FAM200B: variants seen among roughly 807,000 people sequenced by gnomAD.
FAM200B encodes protein FAM200B.
A neutral mutation model predicts 33.1 loss-of-function variants in FAM200B; 32 were observed. That is an observed-to-expected ratio of 0.97 (90% CI 0.73 to 1.30). The LOEUF is 1.30. Among genes scored for constraint, FAM200B ranks in the 50% most tolerant of loss-of-function variants. The pLI is 0.00. For missense variants in FAM200B, 741 were observed against 754.0 expected, an observed-to-expected ratio of 0.98 and a Z score of 0.20; for synonymous variants, 240 against 264.8, an observed-to-expected ratio of 0.91 and a Z score of 0.91.
chr4:15,674,056 A>G, the FAM200B span, among the ~76,000 whole-genome samples: 1 of 152,210 alleles, frequency 6.6e-6, no homozygotes, highest in South Asian at 2.1e-4. Flanking sequence ...ACAAAAATTG[A>G]TACATTCAAG....
At chr4:15,649,838 C>T in the FAM200B span, among the ~76,000 whole-genome samples, 2 of 152,182 alleles carry the variant, frequency 1.3e-5, no homozygotes, top group East Asian at 3.9e-4. Flanking sequence ...CCTCATTTTA[C>T]AGACTAACAA....
Position 15,686,924 on chromosome 4 carries a change from T to G in FAM200B, c.-54T>G. 3.2e-6 allele frequency: 3 copies of G among 930,716 alleles called. No homozygotes were observed. The highest frequency in any genetic ancestry group is 2.5e-5 in the South Asian group (1 of 39,784). 57.7% of individuals were successfully genotyped at this position (930,716 alleles called of 1,614,324 possible). ...GACTGTATATTTTTTTCTTCTTTTT[T>G]GAGTTAGTGCCAATTATAACATTTT... is the stretch of plus-strand genomic sequence containing the variant. On this transcript the variant is annotated 5_prime_UTR_variant, in exon 2 of 2. Coordinates refer to ENST00000422728, the MANE Select transcript of FAM200B (RefSeq NM_001145191.2).
the FAM200B span, among the ~76,000 whole-genome samples, chr4:15,639,851 A>G: frequency 6.6e-6 from 1 of 152,214 alleles, no homozygotes; most frequent in African/African-American, 2.4e-5. Context: ...TATAAGGTGA[A>G]GCTATAGTTG....
upstream of FAM200B, among the ~76,000 whole-genome samples, chr4:15,677,412 G>A (rs73243131): frequency 6.6e-6 from 1 of 152,066 alleles, no homozygotes; most frequent in Non-Finnish European, 1.5e-5. Flanking sequence ...TGACTCATAG[G>A]GGTTGGGAGA....
the FAM200B span, chr4:15,640,773 A>G: frequency 7.1e-7 from 1 of 1,406,194 alleles, no homozygotes. Context: ...ATCACGAAAG[A>G]AAAATTATGC....
chr4:15,658,365 T>G, the FAM200B span, among the ~76,000 whole-genome samples: 1 of 152,252 alleles, frequency 6.6e-6, no homozygotes, highest in Non-Finnish European at 1.5e-5. Context: ...GTTTGAATGT[T>G]TGTCCTTTCT....
At chr4:15,642,249 T>C in the FAM200B span, among the ~76,000 whole-genome samples, 1 of 151,910 alleles carries the variant, frequency 6.6e-6, no homozygotes, top group South Asian at 2.1e-4. Context: ...AAAACTTTTT[T>C]TTTTTTTTTT....
chr4:15,644,369 C>T, the FAM200B span: 1 of 764,814 alleles, frequency 1.3e-6, no homozygotes, highest in South Asian at 1.8e-5. Flanking sequence ...CCATCTTTAA[C>T]AAGTGACAAA....
At chr4:15,686,101 G>A (rs1286649773) in intron 1 of FAM200B, 135 bp from the exon 2 acceptor site, 1 of 152,170 alleles carries the variant, frequency 6.6e-6, no homozygotes, top group Non-Finnish European at 1.5e-5. Context: ...GCCAATATAA[G>A]ATAGTGATAA....
chr4:15,670,303 G>A, the FAM200B span, among the ~76,000 whole-genome samples: 4 of 152,126 alleles, frequency 2.6e-5, no homozygotes, highest in African/African-American at 9.7e-5. Context: ...TAGATCATAC[G>A]TATGATAGAT....
the FAM200B span, among the ~76,000 whole-genome samples, chr4:15,670,683 GTTTTC>G: frequency 6.9e-6 from 1 of 145,854 alleles, no homozygotes; most frequent in Non-Finnish European, 1.5e-5. Flanking sequence ...GTTATTTTTG[GTTTTC>G]TTTTATAACC....
chr4:15,683,254 A>G (rs2148853288), intron 1 of FAM200B, among the ~76,000 whole-genome samples: 1 of 152,200 alleles, frequency 6.6e-6, no homozygotes, highest in South Asian at 2.1e-4. Context: ...AACTTGCAAC[A>G]TTTTCTACTT....
chr4:15,649,106 T>A, the FAM200B span, among the ~76,000 whole-genome samples: 2 of 152,084 alleles, frequency 1.3e-5, no homozygotes, highest in Non-Finnish European at 2.9e-5. Context: ...AGAAATAAGA[T>A]TTTTATCTAT....
At chr4:15,651,728 TTC>T in the FAM200B span, among the ~76,000 whole-genome samples, 4 of 152,184 alleles carry the variant, frequency 2.6e-5, no homozygotes, top group Non-Finnish European at 4.4e-5. Flanking sequence ...TATAAATAAA[TTC>T]TTTCATAAAA....
At chr4:15,653,238 A>G in the FAM200B span, among the ~76,000 whole-genome samples, 1 of 152,206 alleles carries the variant, frequency 6.6e-6, no homozygotes, top group African/African-American at 2.4e-5. Context: ...GACTTACACC[A>G]TGTCAAATTG....
chr4:15,686,650 G>T lies in FAM200B; in HGVS notation c.-328G>T. 1 of 169,372 alleles carries T rather than the reference G, an allele frequency of 5.9e-6. No individual in the cohort carries two copies. The highest frequency in any genetic ancestry group is 1.3e-5 in the Non-Finnish European group (1 of 79,800). 10.5% of individuals were successfully genotyped at this position (169,372 alleles called of 1,614,324 possible). On this transcript the variant is annotated 5_prime_UTR_variant, in exon 2 of 2. Coordinates refer to ENST00000422728, the MANE Select transcript of FAM200B (RefSeq NM_001145191.2). ...TTGCCTGAATTGTGCACATTGCAAG[G>T]AATGCTGAGGTCAATTTCAATATGC... is the stretch of plus-strand genomic sequence containing the variant.
At chr4:15,659,771 A>C in the FAM200B span, 3 of 982,970 alleles carry the variant, frequency 3.1e-6, no homozygotes, top group Non-Finnish European at 3.6e-6. Flanking sequence ...GTGAACACCA[A>C]AATCTTGATT....
chr4:15,686,642 A>G lies in FAM200B; in HGVS notation c.-336A>G, dbSNP rs1718868886. On this transcript the variant is annotated 5_prime_UTR_variant, in exon 2 of 2. Coordinates refer to ENST00000422728, the MANE Select transcript of FAM200B (RefSeq NM_001145191.2). ...TGAATCCTTTGCCTGAATTGTGCAC[A>G]TTGCAAGGAATGCTGAGGTCAATTT... 1 of 166,102 alleles carries G rather than the reference A, an allele frequency of 6.0e-6. No individual in the cohort carries two copies. Among genetic ancestry groups the G allele is most frequent in the Non-Finnish European group, 1.3e-5 (1 of 77,604 alleles). 10.3% of individuals were successfully genotyped at this position (166,102 alleles called of 1,614,324 possible).
chr4:15,642,344 C>T, the FAM200B span, among the ~76,000 whole-genome samples: 1 of 151,744 alleles, frequency 6.6e-6, no homozygotes, highest in Non-Finnish European at 1.5e-5. Flanking sequence ...GCGATTCTCC[C>T]ACCTCAGTCT....
Sources: gnomAD v4.1 joint callset for allele counts (sites outside exome capture counted in the v4.1 genomes callset) on GRCh38, gnomAD v4.1.1 for gene constraint, MANE v1.5 for transcripts, NCBI Gene and HGNC (gene_info 2026-07-23, HGNC 2026-07-21) for gene names.